ATP1B1: variants seen among roughly 807,000 people sequenced by gnomAD.
The protein encoded by ATP1B1 is ATPase Na+/K+ transporting subunit beta 1.
ATP1B1 carries 3 observed loss-of-function variants against 39.6 expected under a neutral mutation model. The ratio of observed to expected loss-of-function variants is 0.08; its 90% CI spans 0.03 to 0.20. The LOEUF is 0.20. Ranked by LOEUF, ATP1B1 falls within the 10% of genes least tolerant of loss-of-function variation. The pLI, the probability that ATP1B1 is intolerant of heterozygous loss-of-function variation, is 1.00. For missense variants in ATP1B1, 216 were observed against 371.1 expected (o/e 0.58, Z 3.43); for synonymous variants, 139 against 135.0 (o/e 1.03, Z -0.20).
intron 3 of ATP1B1, 137 bp downstream of exon 3, chr1:169,125,176 CTT>C: frequency 2.6e-6 from 3 of 1,168,766 alleles, no homozygotes; most frequent in Middle Eastern, 2.7e-4. Context: ...TATTTAGACA[CTT>C]TTTTTAAAAA....
intron 2 of ATP1B1, among the ~76,000 whole-genome samples, chr1:169,124,149 C>T (rs1399423426): frequency 6.6e-6 from 1 of 152,184 alleles, no homozygotes; most frequent in African/African-American, 2.4e-5. Context: ...TAGGAAGTCT[C>T]ATGAAGGCAG....
intron 3 of ATP1B1, 67 bp downstream of exon 3, chr1:169,125,106 T>A: frequency 6.7e-7 from 1 of 1,487,310 alleles, no homozygotes; most frequent in Non-Finnish European, 9.0e-7. Context: ...TTCCCACTTC[T>A]ATTTTTTGTT....
rs1479514011 is a variant in ATP1B1 at position 169,131,068 on chromosome 1, A to C, written c.649-224A>C. Among the ~76,000 whole-genome samples, 1 of 152,196 alleles carries C rather than the reference A, an allele frequency of 6.6e-6. No homozygotes were observed. Among genetic ancestry groups the C allele is most frequent in the Non-Finnish European group, 1.5e-5 (1 of 68,032 alleles). On this transcript the variant is annotated intron_variant, in intron 5 of 5. Coordinates refer to ENST00000367815, the MANE Select transcript of ATP1B1 (RefSeq NM_001677.4). The surrounding 1 kb of genome is among the most constrained non-coding windows in gnomAD (Gnocchi z 4.4). ...GTTGGCCTTGTTTCTAGGAGGCTTG[A>C]AGAATGCTTATTTGGCATTTGACTC...
intron 2 of ATP1B1, among the ~76,000 whole-genome samples, chr1:169,118,802 C>A (rs1473032534): frequency 6.6e-6 from 1 of 152,098 alleles, no homozygotes; most frequent in Non-Finnish European, 1.5e-5. Context: ...AAAAGCATTT[C>A]TTTGCTTCCT....
intron 2 of ATP1B1, among the ~76,000 whole-genome samples, chr1:169,115,003 T>G (rs1657811185): frequency 1.3e-5 from 2 of 151,920 alleles, no homozygotes; most frequent in Non-Finnish European, 2.9e-5. Context: ...GCTAACACAG[T>G]GAAACTCCGT....
At position 169,111,383 on chromosome 1, in the gene ATP1B1, A is replaced by G. The variant is rs748589298; in HGVS notation, c.111A>G (p.Leu37=). Residue 37 remains leucine, a synonymous_variant, in exon 2 of 6, where the codon CTA becomes CTG. Transcript: ENST00000367815. ...RTGGSWFKIL[L]FYVIFYGCLA... is the part of the protein sequence containing the mutation. ...TTCTTCTTGCAGTTAAGATCCTTCT[A>G]TTCTACGTAATATTTTATGGCTGCC... 2.0e-5 allele frequency: 33 copies of G among 1,614,034 alleles called. No homozygotes were observed. The highest frequency in any genetic ancestry group is 4.5e-5 in the East Asian group (2 of 44,898).
intron 2 of ATP1B1, among the ~76,000 whole-genome samples, chr1:169,121,472 A>T (rs1302616709): frequency 2.0e-5 from 3 of 152,170 alleles, no homozygotes; most frequent in Admixed American, 6.5e-5. Flanking sequence ...TGGACTTGAC[A>T]TTGTGAAGGA....
At chr1:169,121,886 C>T (rs959073925) in intron 2 of ATP1B1, among the ~76,000 whole-genome samples, 2 of 152,178 alleles carry the variant, frequency 1.3e-5, no homozygotes, top group African/African-American at 4.8e-5. Flanking sequence ...GTTTATCACA[C>T]CAATGTCCCT....
At position 169,122,763 on chromosome 1, in the gene ATP1B1, T is replaced by C. The variant is rs1435952453; in HGVS notation, c.227-2121T>C. Among the ~76,000 whole-genome samples, 5 of 120,770 alleles carry C rather than the reference T, an allele frequency of 4.1e-5. No individual in the cohort carries two copies. In the East Asian group the frequency reaches 8.2e-4, roughly 20 times the overall value. 79.2% of individuals were successfully genotyped at this position (120,770 alleles called of 152,430 possible). On this transcript the variant is annotated intron_variant, in intron 2 of 5. Coordinates refer to ENST00000367815, the MANE Select transcript of ATP1B1 (RefSeq NM_001677.4). ...TCAGGATGATTTTTTTTTTTTTTTTTTTTTTTTAATTGCGATAGAGTCTTG... is the reference window on the plus strand; with the variant it reads ...TCAGGATGATTTTTTTTTTTTTTTTCTTTTTTTAATTGCGATAGAGTCTTG...
chr1:169,123,262 T>C (rs1161677594), intron 2 of ATP1B1, among the ~76,000 whole-genome samples: 1 of 152,162 alleles, frequency 6.6e-6, no homozygotes, highest in African/African-American at 2.4e-5. Flanking sequence ...TTTAAAGATC[T>C]TTTCGTACTT....
chr1:169,114,836 C>T (rs1657805840), intron 2 of ATP1B1, among the ~76,000 whole-genome samples: 1 of 151,556 alleles, frequency 6.6e-6, no homozygotes. Flanking sequence ...CCAGCCTGGG[C>T]AACATAGCAA....
chr1:169,109,812 ACGATAGCTG>A (rs1657689276), intron 1 of ATP1B1, among the ~76,000 whole-genome samples: 1 of 152,056 alleles, frequency 6.6e-6, no homozygotes, highest in Non-Finnish European at 1.5e-5. Flanking sequence ...AATCAGGGCT[ACGATAGCTG>A]CCTTGCTGAC....
chr1:169,110,477 G>A (rs1329921444), intron 1 of ATP1B1: 2 of 205,560 alleles, frequency 9.7e-6, no homozygotes, highest in Non-Finnish European at 1.7e-5. Context: ...GCAATGCCTA[G>A]TACAGCCTGT....
chr1:169,129,344 A>C (rs994533236), intron 4 of ATP1B1, among the ~76,000 whole-genome samples: 2 of 152,002 alleles, frequency 1.3e-5, no homozygotes, highest in African/African-American at 2.4e-5. Context: ...GTAGAAGAGG[A>C]GGCTCTGGAT....
chr1:169,116,899 C>G (rs916199223), intron 2 of ATP1B1, among the ~76,000 whole-genome samples: 1 of 151,800 alleles, frequency 6.6e-6, no homozygotes, highest in African/African-American at 2.4e-5. Flanking sequence ...CATTAGGGTT[C>G]GAGTCATTAT....
At chr1:169,127,480 A>C (rs1444308304) in intron 4 of ATP1B1, 72 bp downstream of exon 4, 4 of 1,489,042 alleles carry the variant, frequency 2.7e-6, no homozygotes, top group African/African-American at 2.9e-5. Flanking sequence ...CTGAGAAGAC[A>C]ATGTAAGATA....
In ATP1B1 at chr1:169,121,645, C is replaced by G. The variant is rs3766040; in HGVS notation, c.227-3239C>G. Among the ~76,000 whole-genome samples the G allele has an allele frequency of 6.3e-3, 952 of 152,230 alleles. 53 individuals carry two copies. In the East Asian group the frequency reaches 0.13, roughly 21 times the overall value. ...ATGCAAGCAGCCAGAAAGTGAGAGGCAAACCACTGGAGAGGCTCACTGAAG... is the reference window on the plus strand; with the variant it reads ...ATGCAAGCAGCCAGAAAGTGAGAGGGAAACCACTGGAGAGGCTCACTGAAG... On this transcript the variant is annotated intron_variant, in intron 2 of 5. Coordinates refer to ENST00000367815, the MANE Select transcript of ATP1B1 (RefSeq NM_001677.4).
chr1:169,107,029 C>A, intron 1 of ATP1B1, 103 bp downstream of exon 1: 1 of 1,161,488 alleles, frequency 8.6e-7, no homozygotes, highest in Non-Finnish European at 1.2e-6. Context: ...ACCGCGCTGG[C>A]CGGGGTGGCG....
At chr1:169,126,619 G>C (rs1202983915) in intron 3 of ATP1B1, among the ~76,000 whole-genome samples, 1 of 152,182 alleles carries the variant, frequency 6.6e-6, no homozygotes, top group Non-Finnish European at 1.5e-5. Flanking sequence ...GCTGAGGTGG[G>C]AGGATCTTTA....
Sources: gnomAD v4.1 joint callset for allele counts (sites outside exome capture counted in the v4.1 genomes callset) on GRCh38, gnomAD v4.1.1 for gene constraint, Gnocchi (gnomAD v3.1) non-coding constraint, MANE v1.5 for transcripts, NCBI Gene and HGNC (gene_info 2026-07-23, HGNC 2026-07-21) for gene names.